Variants in PHF19 observed in about 807,000 individuals in gnomAD.
PHF19 encodes the protein polycomb like 3.
A neutral mutation model predicts 79.8 loss-of-function variants in PHF19; 21 were observed. The observed-to-expected ratio is 0.26, with a 90% confidence interval of 0.19 to 0.38. PHF19 has a LOEUF of 0.38. Among genes scored for constraint, PHF19 ranks in the 10% least tolerant of loss-of-function variants. The probability of loss-of-function intolerance (pLI) is 1.00; values close to 1 mark genes in which losing one functional copy is unlikely to be tolerated. For synonymous variants in PHF19, 273 were observed against 296.3 expected, an observed-to-expected ratio of 0.92 and a Z score of 0.81; for missense variants, 445 against 744.2, an observed-to-expected ratio of 0.60 and a Z score of 4.68.
At chr9:120,879,988 G>T (rs1281740247), upstream of PHF19, among the ~76,000 whole-genome samples, 1 of 151,620 alleles carries the variant, frequency 6.6e-6, no homozygotes, top group African/African-American at 2.4e-5. Flanking sequence ...GCACGGAGTC[G>T]AGTCTGTCAA....
At chr9:120,883,596 C>T (rs1430504560) in intron 1 of PHF19, among the ~76,000 whole-genome samples, 2 of 151,920 alleles carry the variant, frequency 1.3e-5, no homozygotes, top group Non-Finnish European at 2.9e-5. Context: ...CCATCTCTAC[C>T]AAAAATACAA....
At chr9:120,859,482 T>C (rs1288435665) in intron 14 of PHF19, among the ~76,000 whole-genome samples, 4 of 152,170 alleles carry the variant, frequency 2.6e-5, no homozygotes, top group African/African-American at 7.2e-5. Context: ...ACAGTGCAGC[T>C]TGAGTGCAGA....
upstream of PHF19, among the ~76,000 whole-genome samples, chr9:120,877,667 G>A (rs1456460791): frequency 6.6e-6 from 1 of 152,230 alleles, no homozygotes; most frequent in Non-Finnish European, 1.5e-5. Context: ...CGCAGACACA[G>A]ACCCAGGACG....
chr9:120,879,064 CTTTT>C (rs1554821084), upstream of PHF19, among the ~76,000 whole-genome samples: 2 of 105,334 alleles, frequency 1.9e-5, no homozygotes, highest in African/African-American at 7.1e-5. Flanking sequence ...TTCTTTCTTT[CTTTT>C]TTTTTTAAAC....
chr9:120,858,811 T>TCACACACACACACACACACACACACACA (rs56042039), intron 14 of PHF19, among the ~76,000 whole-genome samples: 1 of 122,802 alleles, frequency 8.1e-6, no homozygotes, highest in African/African-American at 3.1e-5. Context: ...CTGACAGACA[T>TCACACACACACACACACACACACACACA]CACACACACA....
Position 120,862,659 on chromosome 9 carries a change from AGGCAGCAGCTTCCCT to A in PHF19, c.1044_1058del (p.Gly349_Pro353del). 6.2e-7 allele frequency: 1 copy of A among 1,614,188 alleles called. No homozygotes were observed. The highest frequency in any genetic ancestry group is 8.5e-7 in the Non-Finnish European group (1 of 1,180,000). ...TCTCATTTGGCAGCAGTCCTTTGTCAGGCAGCAGCTTCCCTGGCGGGTTGGGTGGGACGCGGATGC... is the reference window on the plus strand; with the variant it reads ...TCTCATTTGGCAGCAGTCCTTTGTCAGGCGGGTTGGGTGGGACGCGGATGC... On this transcript the variant is annotated inframe_deletion, in exon 11 of 15. Coordinates refer to ENST00000373896, the MANE Select transcript of PHF19 (RefSeq NM_015651.3). This position sits in a 1 kb window ranked among gnomAD's most constrained non-coding sequence, Gnocchi z 4.6.
chr9:120,858,995 T>C (rs954255201), intron 14 of PHF19, among the ~76,000 whole-genome samples: 2 of 152,154 alleles, frequency 1.3e-5, no homozygotes, highest in African/African-American at 4.8e-5. Context: ...GGTGCACGCC[T>C]GTAGTCCCAG....
chr9:120,876,110 A>T (rs1392428143), intron 1 of PHF19: 1 of 152,718 alleles, frequency 6.5e-6, no homozygotes, highest in African/African-American at 2.4e-5. Context: ...GAGTGTGTGA[A>T]GCTAAGTATG....
At position 120,874,986 on chromosome 9, in the gene PHF19, C is replaced by T. The variant is rs2046006367; in HGVS notation, c.-15-230G>A. Among the ~76,000 whole-genome samples, 1 of 152,190 alleles carries T rather than the reference C, an allele frequency of 6.6e-6. No individual in the cohort carries two copies. The highest frequency in any genetic ancestry group is 6.5e-5 in the Admixed American group (1 of 15,278). On this transcript the variant is annotated intron_variant, in intron 1 of 14. Transcript: ENST00000373896. The surrounding 1 kb of genome is among the most constrained non-coding windows in gnomAD (Gnocchi z 4.5). ...AGAGGCTGATGGGCCAAAGGCAGAG[C>T]CATGGCCCATACCACACTACCTTTT... is the stretch of plus-strand genomic sequence containing the variant.
chr9:120,876,430 G>C (rs2131568787), intron 1 of PHF19: 1 of 152,058 alleles, frequency 6.6e-6, no homozygotes, highest in Non-Finnish European at 1.5e-5. Context: ...ACCCTGGCCG[G>C]GCGGGGGCCC....
chr9:120,887,740 A>G (rs1027923395), intron 1 of PHF19, among the ~76,000 whole-genome samples: 2 of 152,092 alleles, frequency 1.3e-5, no homozygotes, highest in African/African-American at 4.8e-5. Flanking sequence ...TGCAAAAGCT[A>G]TATGCATTCA....
rs1554819554 is a variant in PHF19, at chr9:120,872,066, A to AG, written c.269-1529_269-1528insC. ...AAAAAAAAAAAAAAAAAAAAAAAAA[A>AG]AAGAAATGGTACCTCTTCATCTCTG... On this transcript the variant is annotated intron_variant, in intron 3 of 14. Transcript: ENST00000373896. Among the ~76,000 whole-genome samples, 245 of 148,586 alleles carry AG rather than the reference A, an allele frequency of 1.6e-3. 2 individuals carry two copies. The highest frequency in any genetic ancestry group is 3.1e-3 in the Non-Finnish European group (205 of 66,866).
chr9:120,883,930 T>C (rs2046227086), intron 1 of PHF19, among the ~76,000 whole-genome samples: 1 of 152,156 alleles, frequency 6.6e-6, no homozygotes, highest in East Asian at 1.9e-4. Flanking sequence ...GGCAAAATTA[T>C]TTGATTCTAT....
chr9:120,867,303 G>A (rs2045732984), intron 6 of PHF19, among the ~76,000 whole-genome samples: 1 of 152,210 alleles, frequency 6.6e-6, no homozygotes, highest in Non-Finnish European at 1.5e-5. Context: ...CCACAATGAA[G>A]CCACCATTTC....
In PHF19 at chr9:120,862,580, G is replaced by A; in HGVS notation, c.1130+8C>T. ...GCAGCCCTGGCCCCTGGGTCCCCGA[G>A]CACTGACCCAGGCTTGCTCTTTCCT... On this transcript the variant is annotated splice_region_variant and intron_variant, in intron 11 of 14. Transcript: ENST00000373896. The surrounding 1 kb of genome is among the most constrained non-coding windows in gnomAD (Gnocchi z 4.6). The A allele has an allele frequency of 6.2e-7, 1 of 1,611,218 alleles. No individual in the cohort carries two copies.
rs35429932 is a variant in PHF19, at chr9:120,857,795, T to TGGCA, written c.*145_*148dup. ...CAGCAGAGAGACGCAGGCCTTGGCCTGGCAGGCAGGCAGGCAGGGCATTCT... is the reference window on the plus strand; with the variant it reads ...CAGCAGAGAGACGCAGGCCTTGGCCTGGCAGGCAGGCAGGCAGGCAGGGCATTCT... On this transcript the variant is annotated 3_prime_UTR_variant, in exon 15 of 15. Transcript: ENST00000373896. 73,723 of 582,654 alleles carry TGGCA rather than the reference T, an allele frequency of 0.13. 5,089 individuals carry two copies. The highest frequency in any genetic ancestry group is 0.15 in the Non-Finnish European group (49,424 of 329,002). The allele number at this position is 582,654 out of a possible 1,614,324, so 36.1% of individuals were successfully genotyped here.
upstream of PHF19, among the ~76,000 whole-genome samples, chr9:120,897,761 T>A (rs1444442814): frequency 6.6e-6 from 1 of 151,974 alleles, no homozygotes; most frequent in African/African-American, 2.4e-5. Context: ...GGCGGATCAC[T>A]TGAGGTCAGG....
At chr9:120,868,719 C>T in intron 6 of PHF19, 8 of 577,784 alleles carry the variant, frequency 1.4e-5, no homozygotes, top group Non-Finnish European at 1.8e-5. Context: ...CCCCTTGAGG[C>T]CTCGCCTCCT....
At position 120,860,144 on chromosome 9, in the gene PHF19, G is replaced by C. The variant is rs1207772309; in HGVS notation, c.1346C>G (p.Thr449Ser). The change falls in exon 14 of 15, where the codon ACC (threonine) becomes AGC (serine). Residue 449 changes from threonine to serine, a missense_variant. By Grantham distance (58) the Thr-to-Ser change is moderately conservative. This residue lies in a region of PHF19 where 125 missense variants were observed against 180.5 expected (regional missense o/e 0.69). Coordinates refer to ENST00000373896, the MANE Select transcript of PHF19 (RefSeq NM_015651.3). The surrounding 1 kb of genome is among the most constrained non-coding windows in gnomAD (Gnocchi z 4.1). ...GQTFFSDVDS[T>S]DAASTSGSAS... is the part of the protein sequence containing the mutation. ...AGAGCCAGAGGTGCTGGCAGCGTCG[G>C]TGGAGTCGACATCTGAGAAGAAGGT... 6.2e-7 allele frequency: 1 copy of C among 1,600,010 alleles called. No homozygotes were observed. The highest frequency in any genetic ancestry group is 1.7e-5 in the Admixed American group (1 of 58,348).
Sources: gnomAD v4.1 joint callset for allele counts (sites outside exome capture counted in the v4.1 genomes callset) on GRCh38, gnomAD v4.1.1 for gene constraint, gnomAD v4.1.1 regional missense constraint, Gnocchi (gnomAD v3.1) non-coding constraint, MANE v1.5 for transcripts, NCBI Gene and HGNC (gene_info 2026-07-23, HGNC 2026-07-21) for gene names.